Variants in DNAH9 observed in about 807,000 individuals in gnomAD.
DNAH9 encodes the protein DNAH9 variant protein.
DNAH9 carries 345 observed loss-of-function variants against 471.6 expected under a neutral mutation model. The observed-to-expected ratio is 0.73, with a 90% CI of 0.67 to 0.80. The LOEUF is 0.80. Ranked by LOEUF, DNAH9 falls within the 30% of genes least tolerant of loss-of-function variation. DNAH9 has a pLI of 0.00. For synonymous variants in DNAH9, 2,093 were observed against 2,123.6 expected (o/e 0.99, Z 0.40); for missense variants, 5,407 against 5,609.2 (o/e 0.96, Z 1.15).
At chr17:11,748,294 T>G (rs1406841291) in intron 32 of DNAH9, among the ~76,000 whole-genome samples, 1 of 151,668 alleles carries the variant, frequency 6.6e-6, no homozygotes, top group Non-Finnish European at 1.5e-5. Context: ...GCCACTGCAC[T>G]CCAGTCTGGG....
At chr17:11,946,451 C>G (rs1178730310) in intron 67 of DNAH9, among the ~76,000 whole-genome samples, 1 of 151,534 alleles carries the variant, frequency 6.6e-6, no homozygotes, top group Non-Finnish European at 1.5e-5. Flanking sequence ...ATCACAAGGT[C>G]AGGAGTTTGA....
At chr17:11,934,203 G>A (rs964010862) in intron 65 of DNAH9, 132 bp downstream of exon 65, 62 of 951,202 alleles carry the variant, frequency 6.5e-5, no homozygotes, top group Non-Finnish European at 9.1e-5. Context: ...AGGGGCTGAG[G>A]CAAAAGGGCT....
At chr17:11,815,412 C>T (rs534205858) in intron 45 of DNAH9, among the ~76,000 whole-genome samples, 2 of 152,272 alleles carry the variant, frequency 1.3e-5, no homozygotes, top group South Asian at 4.1e-4. Context: ...CAAACGCCAA[C>T]ACTCCTTAAC....
At chr17:11,884,485 T>C (rs1972820695) in intron 56 of DNAH9, 1 of 449,468 alleles carries the variant, frequency 2.2e-6, no homozygotes, top group African/African-American at 2.0e-5. Flanking sequence ...AGCATATCTG[T>C]AACAGTGTCC....
chr17:11,825,338 C>T (rs1243327468), intron 48 of DNAH9, among the ~76,000 whole-genome samples: 1 of 152,168 alleles, frequency 6.6e-6, no homozygotes, highest in Non-Finnish European at 1.5e-5. Context: ...CACCGCCTAC[C>T]ATGCCCTCAC....
In DNAH9 at chr17:11,966,636, T is replaced by A. The variant is rs555381987; in HGVS notation, c.13234-2664T>A. 2.3e-4 allele frequency among the ~76,000 whole-genome samples: 35 copies of A among 152,310 alleles called. No individual in the cohort carries two copies. In the South Asian group the frequency reaches 3.1e-3, roughly 14 times the overall value. On this transcript the variant is annotated intron_variant, in intron 68 of 68. Transcript: ENST00000262442. ...CTATCTAATTTAAAGGACAACTGCATAAGGAAATAATTATAAATCTGTGTT... is the reference window on the plus strand; with the variant it reads ...CTATCTAATTTAAAGGACAACTGCAAAAGGAAATAATTATAAATCTGTGTT...
intron 49 of DNAH9, among the ~76,000 whole-genome samples, chr17:11,850,271 G>A (rs1252854201): frequency 5.9e-5 from 9 of 152,174 alleles, no homozygotes; most frequent in Admixed American, 5.9e-4. Context: ...GGGAAGAGCA[G>A]CCATACAGCT....
rs1190219988 is a variant in DNAH9 at position 11,797,803 on chromosome 17, C to T, written c.8420+10C>T. On this transcript the variant is annotated intron_variant, in intron 43 of 68. Coordinates refer to ENST00000262442, the MANE Select transcript of DNAH9 (RefSeq NM_001372.4). Reference sequence around the variant, plus strand: ...ATGCCATGCGCCATGTGTAAGTGTGCTTCTCCTCTTCCTTTTCCTCAGTTG... The same window carrying T: ...ATGCCATGCGCCATGTGTAAGTGTGTTTCTCCTCTTCCTTTTCCTCAGTTG... 2.5e-6 allele frequency: 4 copies of T among 1,607,222 alleles called. No individual in the cohort carries two copies. The African/African-American group carries it at 4.0e-5, about 16-fold the overall frequency.
rs144200063 is a variant in DNAH9, at chr17:11,854,277, C to T, written c.9782C>T (p.Ala3261Val). ...GAGTTTGTGGCCACCAAATCCTATG[C>T]GGCTGCAGGCCTCTGCTCCTGGGTC... Reference protein sequence around the residue: ...NPEFVATKSYAAAGLCSWVIN... With the variant: ...NPEFVATKSYVAAGLCSWVIN... The change falls in exon 50 of 69, where the codon GCG (alanine) becomes GTG (valine). Residue 3261 changes from alanine to valine, a missense_variant. This residue lies in a region of DNAH9 where 4,636 missense variants were observed against 4,900.3 expected (regional missense o/e 0.95). Coordinates refer to ENST00000262442, the MANE Select transcript of DNAH9 (RefSeq NM_001372.4). 9.3e-6 allele frequency: 15 copies of T among 1,614,078 alleles called. No homozygotes were observed. The highest frequency in any genetic ancestry group is 1.6e-4 in the Middle Eastern group (1 of 6,084).
intron 49 of DNAH9, among the ~76,000 whole-genome samples, chr17:11,845,895 G>C (rs1361647227): frequency 6.8e-6 from 1 of 147,168 alleles, no homozygotes; most frequent in African/African-American, 2.5e-5. Flanking sequence ...GTAGATTCTG[G>C]ATATTAGCCC....
chr17:11,829,742 G>A (rs1970623804), intron 48 of DNAH9, among the ~76,000 whole-genome samples: 1 of 152,134 alleles, frequency 6.6e-6, no homozygotes, highest in South Asian at 2.1e-4. Flanking sequence ...CAAAGTGCTG[G>A]GATTACAGGC....
chr17:11,883,066 A>C, intron 55 of DNAH9: 1 of 987,496 alleles, frequency 1.0e-6, no homozygotes, highest in South Asian at 4.7e-5. Flanking sequence ...GATGAGATCC[A>C]CTTGGATACC....
intron 14 of DNAH9, among the ~76,000 whole-genome samples, chr17:11,663,689 G>T (rs1009444851): frequency 2.6e-5 from 4 of 152,200 alleles, no homozygotes; most frequent in Admixed American, 1.3e-4. Context: ...GTAAACAAAG[G>T]TGAAAGATAT....
At chr17:11,912,130 G>T (rs60590944) in intron 61 of DNAH9, among the ~76,000 whole-genome samples, 11,442 of 152,192 alleles carry the variant, frequency 0.075, 518 homozygotes, top group East Asian at 0.23. Flanking sequence ...CAATTCTCCT[G>T]CCTCAGCCTC....
intron 65 of DNAH9, among the ~76,000 whole-genome samples, chr17:11,934,720 G>C (rs1372829008): frequency 6.6e-6 from 1 of 152,086 alleles, no homozygotes; most frequent in Non-Finnish European, 1.5e-5. Context: ...CCAAAGTGCT[G>C]GGATTACAGG....
chr17:11,883,544 C>T lies in DNAH9; in HGVS notation c.10807-42C>T, dbSNP rs367620261. On this transcript the variant is annotated intron_variant, in intron 55 of 68. Transcript: ENST00000262442. ...AGACACATCCTTAGAGCAGGATGCCCTGGGCATCTGCACCTGACTGTCTCT... is the reference window on the plus strand; with the variant it reads ...AGACACATCCTTAGAGCAGGATGCCTTGGGCATCTGCACCTGACTGTCTCT... The T allele has an allele frequency of 1.7e-5, 27 of 1,607,504 alleles. No individual in the cohort carries two copies. In the African/African-American group the frequency reaches 3.5e-4, roughly 21 times the overall value.
intron 53 of DNAH9, among the ~76,000 whole-genome samples, chr17:11,878,199 C>T (rs931668375): frequency 6.6e-6 from 1 of 151,888 alleles, no homozygotes; most frequent in Non-Finnish European, 1.5e-5. Flanking sequence ...AAAACACTGC[C>T]GAATGCATTG....
rs372734601 is a variant in DNAH9, at chr17:11,810,240, C to G, written c.8584-6C>G. On this transcript the variant is annotated splice_region_variant and splice_polypyrimidine_tract_variant and intron_variant, in intron 44 of 68. Coordinates refer to ENST00000262442, the MANE Select transcript of DNAH9 (RefSeq NM_001372.4). ...CAGAGATTTCTGATATTGACCATTC[C>G]TACAGATGGACCTGGCCAGCCTGTG... 26 of 1,609,716 alleles carry G rather than the reference C, an allele frequency of 1.6e-5. No individual in the cohort carries two copies. The highest frequency in any genetic ancestry group is 2.2e-5 in the Non-Finnish European group (26 of 1,178,352).
At chr17:11,759,418 A>G (rs1377706988) in intron 35 of DNAH9, among the ~76,000 whole-genome samples, 2 of 148,544 alleles carry the variant, frequency 1.3e-5, no homozygotes, top group Non-Finnish European at 3.0e-5. Context: ...AGGATAATGG[A>G]CTCCAGTTCC....
Sources: allele counts gnomAD v4.1 joint callset (sites outside exome capture counted in the v4.1 genomes callset), GRCh38; gene constraint gnomAD v4.1.1; regional missense constraint gnomAD v4.1.1; transcripts MANE v1.5; gene names NCBI Gene and HGNC (gene_info 2026-07-23, HGNC 2026-07-21).